Variants in GRID1 observed in about 807,000 individuals in gnomAD.
GRID1 encodes the protein glutamate ionotropic receptor delta type subunit 1.
In GRID1, 28 loss-of-function variants were observed where a neutral mutation model predicts 98.0. That is an observed-to-expected ratio of 0.29 (90% CI 0.21 to 0.39). GRID1 has a LOEUF of 0.39. Among genes scored for constraint, GRID1 ranks in the 10% least tolerant of loss-of-function variants. GRID1 has a pLI of 1.00. For missense variants in GRID1, 1,111 were observed against 1,340.5 expected, an observed-to-expected ratio of 0.83 and a Z score of 2.67; for synonymous variants, 553 against 538.5, an observed-to-expected ratio of 1.03 and a Z score of -0.37.
chr10:85,793,257 G>A (rs1319443136), intron 8 of GRID1, among the ~76,000 whole-genome samples: 4 of 152,134 alleles, frequency 2.6e-5, no homozygotes, highest in African/African-American at 9.7e-5. Flanking sequence ...GGACTCTGCT[G>A]GTGCATCTTC....
intron 13 of GRID1, among the ~76,000 whole-genome samples, chr10:85,633,866 A>G (rs906526738): frequency 1.3e-5 from 2 of 152,122 alleles, no homozygotes; most frequent in Admixed American, 6.5e-5. Context: ...AAGTCAAAAG[A>G]ACCATAAAAG....
intron 8 of GRID1, among the ~76,000 whole-genome samples, chr10:85,816,725 C>T (rs758989679): frequency 2.0e-5 from 3 of 151,020 alleles, no homozygotes; most frequent in South Asian, 2.1e-4. Context: ...ATTTGAGGTT[C>T]GGGTGTACAT....
At chr10:86,054,378 T>C (rs963282017) in intron 4 of GRID1, among the ~76,000 whole-genome samples, 21 of 152,154 alleles carry the variant, frequency 1.4e-4, no homozygotes, top group African/African-American at 5.1e-4. Context: ...TTTGAGAATA[T>C]GCTGACCCTC....
At chr10:85,741,130 T>C (rs1841939248) in intron 8 of GRID1, among the ~76,000 whole-genome samples, 1 of 152,172 alleles carries the variant, frequency 6.6e-6, no homozygotes, top group Non-Finnish European at 1.5e-5. Flanking sequence ...GAAAAACTAA[T>C]AATATTGATC....
intron 3 of GRID1, among the ~76,000 whole-genome samples, chr10:86,176,124 T>C (rs1431030977): frequency 6.6e-6 from 1 of 152,210 alleles, no homozygotes; most frequent in Non-Finnish European, 1.5e-5. Context: ...ATTACAGGCG[T>C]CAGCTGCTGC....
chr10:86,114,131 T>C (rs1844535394), intron 4 of GRID1, among the ~76,000 whole-genome samples: 2 of 152,074 alleles, frequency 1.3e-5, no homozygotes, highest in South Asian at 4.2e-4. Flanking sequence ...GCAGGGGCTC[T>C]CTGCACAGGG....
chr10:85,915,563 C>T (rs1056716588), intron 5 of GRID1, among the ~76,000 whole-genome samples: 1 of 151,780 alleles, frequency 6.6e-6, no homozygotes, highest in South Asian at 2.1e-4. Context: ...ATGCACATAC[C>T]TGTCACACAC....
chr10:85,674,630 T>A (rs1841123734), intron 12 of GRID1, among the ~76,000 whole-genome samples: 1 of 152,096 alleles, frequency 6.6e-6, no homozygotes, highest in Admixed American at 6.5e-5. Flanking sequence ...CAAGATCACA[T>A]AGTTAATATT....
intron 2 of GRID1, among the ~76,000 whole-genome samples, chr10:86,317,253 GC>G (rs936168003): frequency 6.6e-6 from 1 of 152,044 alleles, no homozygotes; most frequent in Non-Finnish European, 1.5e-5. Flanking sequence ...TTGGCTTGCA[GC>G]TCCCTCCTGG....
intron 5 of GRID1, among the ~76,000 whole-genome samples, chr10:85,898,089 T>C (rs754806283): frequency 3.3e-5 from 5 of 152,222 alleles, no homozygotes; most frequent in Non-Finnish European, 5.9e-5. Context: ...ACACCTAGGC[T>C]ATATGGCATA....
chr10:86,328,283 A>C (rs775613595), intron 2 of GRID1, among the ~76,000 whole-genome samples: 1 of 152,236 alleles, frequency 6.6e-6, no homozygotes, highest in Non-Finnish European at 1.5e-5. Context: ...GAGCAAGCTG[A>C]TTTCAGTTTT....
chr10:86,234,121 A>C (rs1846498936), intron 2 of GRID1, among the ~76,000 whole-genome samples: 1 of 152,078 alleles, frequency 6.6e-6, no homozygotes, highest in Non-Finnish European at 1.5e-5. Context: ...CTTTGCCCAC[A>C]CTTCTAGGAA....
chr10:86,328,442 C>T (rs1490505378), intron 2 of GRID1, among the ~76,000 whole-genome samples: 5 of 152,194 alleles, frequency 3.3e-5, no homozygotes, highest in Non-Finnish European at 7.3e-5. Context: ...GAATGGTATG[C>T]GCTCAGCCAT....
intron 2 of GRID1, among the ~76,000 whole-genome samples, chr10:86,217,617 G>A (rs778275596): frequency 2.0e-5 from 3 of 152,190 alleles, no homozygotes; most frequent in Non-Finnish European, 2.9e-5. Context: ...AGAGGCAGCC[G>A]GCTTCCCAGA....
At chr10:86,056,039 T>C (rs1391364336) in intron 4 of GRID1, among the ~76,000 whole-genome samples, 2 of 152,202 alleles carry the variant, frequency 1.3e-5, no homozygotes, top group Non-Finnish European at 2.9e-5. Context: ...AGCTGGTAGG[T>C]GACAAAGTTA....
intron 4 of GRID1, among the ~76,000 whole-genome samples, chr10:85,918,766 G>A (rs1419713711): frequency 1.3e-5 from 2 of 152,212 alleles, no homozygotes; most frequent in Non-Finnish European, 2.9e-5. Flanking sequence ...ATGAAATGGG[G>A]TGCCTCAGGA....
At position 86,366,581 on chromosome 10, in the gene GRID1, C is replaced by T. The variant is rs1012877515; in HGVS notation, c.-189G>A. On this transcript the variant is annotated 5_prime_UTR_variant, in exon 1 of 16. Transcript: ENST00000327946. This position sits in a 1 kb window ranked among gnomAD's most constrained non-coding sequence, Gnocchi z 4.1. ...CCCAGCCCAGCCCAGCCCAGCCCAG[C>T]GCGGTCGGGCTCCCGCTCCGGCTCC... is the stretch of plus-strand genomic sequence containing the variant. 2 of 221,308 alleles carry T rather than the reference C, an allele frequency of 9.0e-6. No homozygotes were observed. The highest frequency in any genetic ancestry group is 2.3e-5 in the African/African-American group (1 of 42,774). 13.7% of individuals were successfully genotyped at this position (221,308 alleles called of 1,614,324 possible). A position where few individuals can be genotyped will look rare whatever the true frequency, so the allele number is the denominator to read the frequency against.
At chr10:85,988,176 C>T (rs1842635652) in intron 4 of GRID1, among the ~76,000 whole-genome samples, 1 of 152,126 alleles carries the variant, frequency 6.6e-6, no homozygotes, top group African/African-American at 2.4e-5. Context: ...AGTGACCCCA[C>T]CCCACTCCCC....
intron 2 of GRID1, among the ~76,000 whole-genome samples, chr10:86,278,433 CAA>C (rs71016128): frequency 6.6e-6 from 1 of 151,760 alleles, no homozygotes. Flanking sequence ...AATATCAAAG[CAA>C]AAAAAATGAT....
Sources: gnomAD v4.1 joint callset for allele counts (sites outside exome capture counted in the v4.1 genomes callset) on GRCh38, gnomAD v4.1.1 for gene constraint, Gnocchi (gnomAD v3.1) non-coding constraint, MANE v1.5 for transcripts, NCBI Gene and HGNC (gene_info 2026-07-23, HGNC 2026-07-21) for gene names.